The following GABPB1 variants were observed in gnomAD, a reference collection of about 807,000 sequenced individuals.
GABPB1 encodes the protein GA binding protein transcription factor subunit beta 1, also known as GA-binding protein subunit beta-1.
In GABPB1, 15 loss-of-function variants were observed where a neutral mutation model predicts 45.9. The observed-to-expected ratio is 0.33, with a 90% confidence interval of 0.22 to 0.50. The LOEUF (loss-of-function observed/expected upper bound fraction) is 0.50, where lower values mean the gene tolerates loss of function less well. Among genes scored for constraint, GABPB1 ranks in the 20% least tolerant of loss-of-function variants. The pLI is 0.98. For synonymous variants in GABPB1, 143 were observed against 154.4 expected (o/e 0.93, Z 0.55); for missense variants, 252 against 457.5 (o/e 0.55, Z 4.10).
intron 6 of GABPB1, among the ~76,000 whole-genome samples, chr15:50,295,636 T>A (rs1045489193): frequency 1.3e-5 from 2 of 151,848 alleles, no homozygotes; most frequent in Admixed American, 1.3e-4. Flanking sequence ...AAAAAAAGCT[T>A]TCACTTTTTT....
intron 1 of GABPB1, chr15:50,349,257 C>T (rs781606600): frequency 1.3e-5 from 2 of 151,474 alleles, no homozygotes; most frequent in African/African-American, 2.4e-5. Context: ...CACATTACTA[C>T]CTTGCCCATA....
intron 1 of GABPB1, chr15:50,351,816 GT>G (rs2048842168): frequency 1.3e-5 from 2 of 152,180 alleles, no homozygotes; most frequent in South Asian, 2.1e-4. Context: ...ATCTCATCTA[GT>G]GCTAGATTTA....
At chr15:50,342,345 T>C (rs191267852) in intron 1 of GABPB1, among the ~76,000 whole-genome samples, 9 of 152,142 alleles carry the variant, frequency 5.9e-5, no homozygotes, top group South Asian at 2.1e-4. Context: ...TTAACCCTTA[T>C]AGGAGTAAAG....
intron 1 of GABPB1, among the ~76,000 whole-genome samples, chr15:50,330,534 C>G (rs1392695313): frequency 6.7e-6 from 1 of 149,522 alleles, no homozygotes; most frequent in Admixed American, 6.6e-5. Context: ...CCTTCCTCAT[C>G]TCATACACAC....
At chr15:50,345,550 A>T (rs779756326) in intron 1 of GABPB1, among the ~76,000 whole-genome samples, 14 of 152,146 alleles carry the variant, frequency 9.2e-5, no homozygotes, top group Admixed American at 4.6e-4. Context: ...ACACAGTGAG[A>T]CCCTGTCTTC....
At chr15:50,281,914 C>T (rs890081418) in intron 8 of GABPB1, among the ~76,000 whole-genome samples, 3 of 152,182 alleles carry the variant, frequency 2.0e-5, no homozygotes, top group Admixed American at 2.0e-4. Context: ...CTAGCCTGGG[C>T]AACAGGGCAA....
At chr15:50,301,417 T>A in intron 4 of GABPB1, 49 bp from the exon 5 acceptor site, 1 of 1,503,220 alleles carries the variant, frequency 6.7e-7, no homozygotes, top group Non-Finnish European at 9.1e-7. Flanking sequence ...CCAGAACATA[T>A]AGCACAAATT....
chr15:50,311,097 T>C (rs1453577055), intron 1 of GABPB1, among the ~76,000 whole-genome samples: 2 of 152,126 alleles, frequency 1.3e-5, no homozygotes, highest in Admixed American at 6.6e-5. Context: ...TGTGTCTTCT[T>C]GAATAAGAAA....
intron 6 of GABPB1, 37 bp downstream of exon 6, chr15:50,300,752 G>T: frequency 1.5e-6 from 2 of 1,319,008 alleles, no homozygotes; most frequent in Non-Finnish European, 2.2e-6. Flanking sequence ...GCCTGAATCT[G>T]CAATTTTAAT....
At chr15:50,319,996 C>T (rs539083641) in intron 1 of GABPB1, among the ~76,000 whole-genome samples, 180 of 152,230 alleles carry the variant, frequency 1.2e-3, no homozygotes, top group African/African-American at 4.2e-3. Flanking sequence ...CTTTTCTATG[C>T]ATATTAGAAA....
intron 1 of GABPB1, among the ~76,000 whole-genome samples, chr15:50,326,776 C>A (rs1011510664): frequency 6.6e-6 from 1 of 151,810 alleles, no homozygotes; most frequent in Non-Finnish European, 1.5e-5. Context: ...CAAGGCTGCA[C>A]TGAGCCATGA....
At chr15:50,280,366 G>A (rs2045935090) in intron 8 of GABPB1, among the ~76,000 whole-genome samples, 1 of 152,156 alleles carries the variant, frequency 6.6e-6, no homozygotes, top group Non-Finnish European at 1.5e-5. Flanking sequence ...GGACACCAAT[G>A]GAAGGGGTGA....
At chr15:50,304,168 C>T (rs763048802) in intron 2 of GABPB1, 35 bp from the exon 3 acceptor site, 1 of 1,525,564 alleles carries the variant, frequency 6.6e-7, no homozygotes, top group South Asian at 1.3e-5. Context: ...TCCACATTTA[C>T]ATTATTGTTA....
chr15:50,329,724 G>A (rs531254617), intron 1 of GABPB1, among the ~76,000 whole-genome samples: 1 of 152,186 alleles, frequency 6.6e-6, no homozygotes, highest in Non-Finnish European at 1.5e-5. Context: ...AAAAGTCAGA[G>A]CTAAATAATA....
intron 6 of GABPB1, among the ~76,000 whole-genome samples, chr15:50,291,875 ATCACTGCAC>A (rs1199167170): frequency 6.6e-6 from 1 of 150,486 alleles, no homozygotes; most frequent in African/African-American, 2.5e-5. Flanking sequence ...CAGTGATCAC[ATCACTGCAC>A]TCCAGCCTGG....
At chr15:50,330,917 T>G (rs2047927728) in intron 1 of GABPB1, among the ~76,000 whole-genome samples, 1 of 152,154 alleles carries the variant, frequency 6.6e-6, no homozygotes, top group African/African-American at 2.4e-5. Context: ...GAAGAAAAAG[T>G]AAGGCAGAGT....
At position 50,301,196 on chromosome 15, in the gene GABPB1, G is replaced by A. The variant is rs1567498288; in HGVS notation, c.583+61C>T. On this transcript the variant is annotated intron_variant, in intron 5 of 8. Coordinates refer to ENST00000380877, the MANE Select transcript of GABPB1 (RefSeq NM_016654.5). ...ACCTACTAAAGCATAAAATCCCAAA[G>A]CCTATCCTATATGCATCTCAATACC... The A allele has an allele frequency of 3.1e-6, 5 of 1,599,060 alleles. No individual in the cohort carries two copies. The African/African-American group carries it at 6.7e-5, about 21-fold the overall frequency.
At chr15:50,286,332 T>A in intron 7 of GABPB1, 149 bp from the exon 8 acceptor site, 1 of 532,260 alleles carries the variant, frequency 1.9e-6, no homozygotes, top group Non-Finnish European at 3.0e-6. Context: ...TTTATGAGAC[T>A]ATCCATATTT....
chr15:50,332,313 A>G (rs1463471462), intron 1 of GABPB1, among the ~76,000 whole-genome samples: 1 of 152,134 alleles, frequency 6.6e-6, no homozygotes, highest in Non-Finnish European at 1.5e-5. Flanking sequence ...TCTAGAAATT[A>G]TACCATGCAG....
Sources: allele counts gnomAD v4.1 joint callset (sites outside exome capture counted in the v4.1 genomes callset), GRCh38; gene constraint gnomAD v4.1.1; transcripts MANE v1.5; gene names NCBI Gene and HGNC (gene_info 2026-07-23, HGNC 2026-07-21).